The following TIMM9 variants were observed in gnomAD, a reference collection of about 807,000 sequenced individuals.
TIMM9 encodes the protein translocase of inner mitochondrial membrane 9.
A neutral mutation model predicts 13.4 loss-of-function variants in TIMM9; 10 were observed. That is an observed-to-expected ratio of 0.75 (90% confidence interval 0.46 to 1.26). TIMM9 has a LOEUF of 1.26. TIMM9 is among the 50% of genes most tolerant of loss of function. The probability of loss-of-function intolerance (pLI) is 0.00; values close to 1 mark genes in which losing one functional copy is unlikely to be tolerated. For synonymous variants in TIMM9, 32 were observed against 32.1 expected (o/e 1.00, Z 0.01); for missense variants, 87 against 100.8 (o/e 0.86, Z 0.58).
intron 5 of TIMM9, 22 bp downstream of exon 5, chr14:58,410,821 T>C (rs2036191186): frequency 4.5e-6 from 7 of 1,543,944 alleles, no homozygotes; most frequent in Non-Finnish European, 5.3e-6. Flanking sequence ...TGTAGAATTT[T>C]AGTGAGTAAC....
intron 4 of TIMM9, 92 bp from the exon 5 acceptor site, chr14:58,411,030 A>G: frequency 1.2e-6 from 1 of 820,986 alleles, no homozygotes; most frequent in Non-Finnish European, 2.0e-6. Context: ...TTTAGACAAA[A>G]TATACTATAA....
intron 3 of TIMM9, 166 bp downstream of exon 3, chr14:58,423,842 C>T (rs949775623): frequency 1.3e-5 from 2 of 152,118 alleles, no homozygotes; most frequent in African/African-American, 2.4e-5. Flanking sequence ...TGATTATATC[C>T]CTGAAACCTG....
intron 3 of TIMM9, among the ~76,000 whole-genome samples, chr14:58,414,114 G>T (rs1292842080): frequency 6.8e-6 from 1 of 146,526 alleles, no homozygotes; most frequent in Non-Finnish European, 1.5e-5. Flanking sequence ...GTACACTGTA[G>T]ACTAACATAA....
intron 3 of TIMM9, among the ~76,000 whole-genome samples, chr14:58,412,719 AG>A (rs1285650095): frequency 6.6e-6 from 1 of 152,056 alleles, no homozygotes; most frequent in Non-Finnish European, 1.5e-5. Context: ...TGGCCAACAT[AG>A]TGAAACCCTA....
chr14:58,409,307 A>T (rs2036132857), intron 5 of TIMM9, 139 bp from the exon 6 acceptor site: 5 of 911,522 alleles, frequency 5.5e-6, no homozygotes, highest in Non-Finnish European at 8.1e-6. Context: ...ATTGGCAGCA[A>T]CTGACCATAG....
intron 4 of TIMM9, among the ~76,000 whole-genome samples, chr14:58,411,140 C>G (rs935329477): frequency 3.3e-5 from 5 of 152,028 alleles, no homozygotes; most frequent in Non-Finnish European, 5.9e-5. Context: ...CCTTGATTAT[C>G]AGTCAGATTA....
chr14:58,418,273 C>A (rs1039545541), intron 3 of TIMM9, among the ~76,000 whole-genome samples: 1 of 151,976 alleles, frequency 6.6e-6, no homozygotes, highest in African/African-American at 2.4e-5. Context: ...AAATGCAATA[C>A]CCATTCATAG....
intron 3 of TIMM9, among the ~76,000 whole-genome samples, chr14:58,413,463 C>T (rs1170870940): frequency 2.0e-5 from 3 of 152,154 alleles, no homozygotes; most frequent in Non-Finnish European, 2.9e-5. Flanking sequence ...ATACATTCTA[C>T]TACACATTCT....
At chr14:58,414,758 A>G (rs1440566746) in intron 3 of TIMM9, among the ~76,000 whole-genome samples, 1 of 151,942 alleles carries the variant, frequency 6.6e-6, no homozygotes, top group Non-Finnish European at 1.5e-5. Flanking sequence ...AAAAGAAAAA[A>G]AAGAAAGAAA....
Position 58,427,458 on chromosome 14 carries a change from A to G in TIMM9, c.-370T>C, listed in dbSNP as rs999546668. Reference sequence around the variant, plus strand: ...TCAACAGTCCCTGGTAAACACAAGTAGTATTACAAGTCGGGAGCTCTTCAA... The same window carrying G: ...TCAACAGTCCCTGGTAAACACAAGTGGTATTACAAGTCGGGAGCTCTTCAA... On this transcript the variant is annotated 5_prime_UTR_variant, in exon 1 of 6. Coordinates refer to ENST00000395159, the MANE Select transcript of TIMM9 (RefSeq NM_012460.4). 1.7e-5 allele frequency: 13 copies of G among 763,902 alleles called. No homozygotes were observed. The highest frequency in any genetic ancestry group is 1.3e-4 in the Admixed American group (5 of 39,234). The allele number at this position is 763,902 out of a possible 1,614,324, so 47.3% of individuals were successfully genotyped here. A position where few individuals can be genotyped will look rare whatever the true frequency, so the allele number is the denominator to read the frequency against.
chr14:58,427,441 C>A lies in TIMM9; in HGVS notation c.-353G>T. The A allele has an allele frequency of 2.9e-6, 2 of 692,366 alleles. No homozygotes were observed. The highest frequency in any genetic ancestry group is 4.8e-6 in the Non-Finnish European group (2 of 419,596). The allele number at this position is 692,366 out of a possible 1,614,324, so 42.9% of individuals were successfully genotyped here. A position where few individuals can be genotyped will look rare whatever the true frequency, so the allele number is the denominator to read the frequency against. Reference sequence around the variant, plus strand: ...TCGGAAGCGAAGCAGTGTCAACAGTCCCTGGTAAACACAAGTAGTATTACA... The same window carrying A: ...TCGGAAGCGAAGCAGTGTCAACAGTACCTGGTAAACACAAGTAGTATTACA... On this transcript the variant is annotated 5_prime_UTR_variant, in exon 1 of 6. Transcript: ENST00000395159.
intron 3 of TIMM9, among the ~76,000 whole-genome samples, chr14:58,419,265 G>A (rs878915768): frequency 6.6e-6 from 1 of 152,006 alleles, no homozygotes; most frequent in Admixed American, 6.6e-5. Flanking sequence ...AACAACCTGG[G>A]CAACACAGCG....
At chr14:58,409,318 C>T (rs1307934231) in intron 5 of TIMM9, 150 bp from the exon 6 acceptor site, 3 of 824,608 alleles carry the variant, frequency 3.6e-6, no homozygotes, top group Non-Finnish European at 5.5e-6. Flanking sequence ...CTGACCATAG[C>T]TTTTAATTGA....
intron 3 of TIMM9, among the ~76,000 whole-genome samples, chr14:58,423,497 A>G (rs2036647834): frequency 7.2e-6 from 1 of 139,848 alleles, no homozygotes. Flanking sequence ...CCTGGGTGAC[A>G]GAGCGAGACT....
chr14:58,409,182 G>C lies in TIMM9; in HGVS notation c.136-14C>G. On this transcript the variant is annotated splice_polypyrimidine_tract_variant and intron_variant, in intron 5 of 5. Coordinates refer to ENST00000395159, the MANE Select transcript of TIMM9 (RefSeq NM_012460.4). Reference sequence around the variant, plus strand: ...TGAACAGGTGGTCTAGGAATGAAAAGGGAAGATCCAAGAGGCAACACAAAA... The same window carrying C: ...TGAACAGGTGGTCTAGGAATGAAAACGGAAGATCCAAGAGGCAACACAAAA... The C allele has an allele frequency of 6.2e-7, 1 of 1,608,380 alleles. No individual in the cohort carries two copies. Among genetic ancestry groups the C allele is most frequent in the Non-Finnish European group, 8.5e-7 (1 of 1,178,468 alleles).
At chr14:58,410,702 G>T in intron 5 of TIMM9, 141 bp downstream of exon 5, 1 of 585,234 alleles carries the variant, frequency 1.7e-6, no homozygotes, top group Non-Finnish European at 2.9e-6. Flanking sequence ...TTCAGTGGCT[G>T]CTTCAGTTCT....
chr14:58,408,891 G>T lies in TIMM9; in HGVS notation c.*143C>A. The stretch of plus-strand genomic sequence containing the variant: ...GGTAAATAGCAATTTTGTTTCTCCA[G>T]CGGTTTCCATTTGCCAAACAGTCAT... On this transcript the variant is annotated 3_prime_UTR_variant, in exon 6 of 6. Coordinates refer to ENST00000395159, the MANE Select transcript of TIMM9 (RefSeq NM_012460.4). The T allele has an allele frequency of 8.2e-7, 1 of 1,222,438 alleles. No homozygotes were observed. Among genetic ancestry groups the T allele is most frequent in the Non-Finnish European group, 1.1e-6 (1 of 890,292 alleles). 75.7% of individuals were successfully genotyped at this position (1,222,438 alleles called of 1,614,324 possible). A position where few individuals can be genotyped will look rare whatever the true frequency, so the allele number is the denominator to read the frequency against.
rs1317858662 is a variant in TIMM9 at position 58,423,988 on chromosome 14, A to G, written c.-27+20T>C. 1.3e-5 allele frequency: 2 copies of G among 152,206 alleles called. No individual in the cohort carries two copies. The highest frequency in any genetic ancestry group is 2.9e-5 in the Non-Finnish European group (2 of 68,034). The allele number at this position is 152,206 out of a possible 1,614,324, so 9.4% of individuals were successfully genotyped here. The stretch of plus-strand genomic sequence containing the variant: ...GAACTTAAGAATAAAGGGAGATCTT[A>G]TCAGTCATCAAGCTCTAACCTTTTC... On this transcript the variant is annotated intron_variant, in intron 3 of 5. Transcript: ENST00000395159.
chr14:58,412,362 G>C (rs535756931), intron 3 of TIMM9, among the ~76,000 whole-genome samples: 2 of 152,252 alleles, frequency 1.3e-5, no homozygotes, highest in East Asian at 3.9e-4. Context: ...GGATGGTCTC[G>C]ATCTCTTAAC....
Sources: allele counts gnomAD v4.1 joint callset (sites outside exome capture counted in the v4.1 genomes callset), GRCh38; gene constraint gnomAD v4.1.1; transcripts MANE v1.5; gene names NCBI Gene and HGNC (gene_info 2026-07-23, HGNC 2026-07-21).